Variants in ZNF25 observed in about 807,000 individuals in gnomAD.
The protein encoded by ZNF25 is zinc finger protein 25 (KOX 19).
ZNF25 carries 21 observed loss-of-function variants against 30.9 expected under a neutral mutation model. That is an observed-to-expected ratio of 0.68 (90% confidence interval 0.48 to 0.98). The LOEUF (loss-of-function observed/expected upper bound fraction) is 0.98, where lower values mean the gene tolerates loss of function less well. ZNF25 is among the 50% of genes least tolerant of loss of function. The pLI, the probability that ZNF25 is intolerant of heterozygous loss-of-function variation, is 0.00. For missense variants in ZNF25, 501 were observed against 529.9 expected (o/e 0.95, Z 0.54); for synonymous variants, 169 against 181.3 (o/e 0.93, Z 0.55).
At chr10:37,972,721 C>T (rs2063558775) in intron 1 of ZNF25, among the ~76,000 whole-genome samples, 1 of 152,148 alleles carries the variant, frequency 6.6e-6, no homozygotes, top group African/African-American at 2.4e-5. Context: ...AGAAACCATG[C>T]AGGGCATCCA....
rs147917552 is a variant in ZNF25, at chr10:37,964,694, T to C, written c.15+7014A>G. ...CAAAGAAATGACTTAAAGTTGGAAC[T>C]GATATTTAAAAGGGAATCAAAGCAT... On this transcript the variant is annotated intron_variant, in intron 2 of 5. Transcript: ENST00000302609. 1.1e-4 allele frequency among the ~76,000 whole-genome samples: 17 copies of C among 152,310 alleles called. No individual in the cohort carries two copies. In the East Asian group the frequency reaches 2.9e-3, roughly 26 times the overall value.
Position 37,953,057 on chromosome 10 carries a change from G to A in ZNF25, c.441C>T (p.Asp147=), listed in dbSNP as rs144895140. The A allele has an allele frequency of 1.7e-4, 272 of 1,613,710 alleles. 2 individuals are homozygous for A. The highest frequency in any genetic ancestry group is 2.1e-4 in the Non-Finnish European group (244 of 1,179,952). Residue 147 remains aspartate (D), a synonymous_variant, in exon 6 of 6, where the codon GAC becomes GAT. Transcript: ENST00000302609. ...QHTHSKGKSY[D]CDKCGKSFSK... ...AGAAAGATTTCCCACATTTATCACA[G>A]TCATAGGATTTGCCCTTTGAGTGAG...
chr10:37,959,826 TC>T lies in ZNF25; in HGVS notation c.16-2281del, dbSNP rs572740503. Among the ~76,000 whole-genome samples, 7 of 151,774 alleles carry T rather than the reference TC, an allele frequency of 4.6e-5. No individual in the cohort carries two copies. The South Asian group carries it at 8.3e-4, about 18-fold the overall frequency. ...GGTTTCAGCATGTTGGCCAGGCTGG[TC>T]TCGAACTCCTGACCTCAGGTAATCT... On this transcript the variant is annotated intron_variant, in intron 2 of 5. Transcript: ENST00000302609.
intron 1 of ZNF25, among the ~76,000 whole-genome samples, chr10:37,973,534 G>A (rs1361914472): frequency 2.7e-5 from 4 of 149,210 alleles, no homozygotes; most frequent in East Asian, 4.0e-4. Flanking sequence ...CAGGAGAATC[G>A]CTTGACCCTG....
At chr10:37,959,405 G>A (rs1377532612) in intron 2 of ZNF25, among the ~76,000 whole-genome samples, 1 of 152,146 alleles carries the variant, frequency 6.6e-6, no homozygotes, top group African/African-American at 2.4e-5. Flanking sequence ...GAAAGGGGGA[G>A]GGCAGCTCCC....
At chr10:37,953,323 G>T in intron 5 of ZNF25, 128 bp from the exon 6 acceptor site, 1 of 828,530 alleles carries the variant, frequency 1.2e-6, no homozygotes, top group Non-Finnish European at 1.8e-6. Flanking sequence ...ATATTTACTG[G>T]ATCCATAGGG....
At position 37,953,133 on chromosome 10, in the gene ZNF25, T is replaced by G. The variant is rs746537037; in HGVS notation, c.365A>C (p.Glu122Ala). 3 of 1,610,710 alleles carry G rather than the reference T, an allele frequency of 1.9e-6. No individual in the cohort carries two copies. The East Asian group carries it at 6.7e-5, about 36-fold the overall frequency. The stretch of plus-strand genomic sequence containing the variant: ...CTTCTGGCAGAAGAACTTCCCACAT[T>G]CCTTACATTCACAGGCTTTCTCTGT... ...HTTEKACECK[E>A]CGKFFCQKSA... The change falls in exon 6 of 6, where the codon GAA becomes GCA. Residue 122 changes from glutamate to alanine, a missense_variant. Glu to Ala is a moderately radical substitution (Grantham distance 107). Transcript: ENST00000302609.
At chr10:37,965,944 A>T (rs555851177) in intron 2 of ZNF25, among the ~76,000 whole-genome samples, 9 of 152,232 alleles carry the variant, frequency 5.9e-5, no homozygotes, top group Non-Finnish European at 1.0e-4. Flanking sequence ...CTAAGTTGGT[A>T]TCAATTCAAA....
In ZNF25 at chr10:37,969,185, A is replaced by C. The variant is rs550380476; in HGVS notation, c.15+2523T>G. Among the ~76,000 whole-genome samples, 6 of 152,326 alleles carry C rather than the reference A, an allele frequency of 3.9e-5. No individual in the cohort carries two copies. In the South Asian group the frequency reaches 1.2e-3, roughly 32 times the overall value. ...CCTTGTACATTGCTAATGGGAATGTAAAACGGTGCAGCTGCTGTGGAAGTT... is the reference window on the plus strand; with the variant it reads ...CCTTGTACATTGCTAATGGGAATGTCAAACGGTGCAGCTGCTGTGGAAGTT... On this transcript the variant is annotated intron_variant, in intron 2 of 5. Coordinates refer to ENST00000302609, the MANE Select transcript of ZNF25 (RefSeq NM_145011.4).
chr10:37,964,326 T>G (rs1049167134), intron 2 of ZNF25, among the ~76,000 whole-genome samples: 2 of 151,364 alleles, frequency 1.3e-5, no homozygotes, highest in African/African-American at 4.9e-5. Context: ...CAAGCAGAGG[T>G]TGGAAGAATT....
At chr10:37,956,928 A>AG (rs952693284) in intron 4 of ZNF25, 92 bp downstream of exon 4, 8 of 927,366 alleles carry the variant, frequency 8.6e-6, no homozygotes, top group African/African-American at 1.7e-5. Flanking sequence ...AAAAAAAAAA[A>AG]AAAAAAGTGA....
chr10:37,957,532 T>C lies in ZNF25; in HGVS notation c.30A>G (p.Leu10=). 6.2e-7 allele frequency: 1 copy of C among 1,613,628 alleles called. No homozygotes were observed. Among genetic ancestry groups the C allele is most frequent in the South Asian group, 1.1e-5 (1 of 90,962 alleles). The change falls in exon 3 of 6, where the codon TTA becomes TTG. Residue 10 remains leucine, a synonymous_variant. Transcript: ENST00000302609. The part of the protein sequence containing the change: MNKFQGPVT[L]KDVIVEFTKE... ...TGGTGAATTCCACAATAACATCCTT[T>C]AATGTCACGGGTCCCTGGAATAACA...
chr10:37,975,723 A>G (rs1194130112), intron 1 of ZNF25, among the ~76,000 whole-genome samples: 1 of 152,086 alleles, frequency 6.6e-6, no homozygotes, highest in Non-Finnish European at 1.5e-5. Context: ...TCACCTTTTG[A>G]CTCAAGTGCT....
At chr10:37,966,568 T>C (rs1448380607) in intron 2 of ZNF25, among the ~76,000 whole-genome samples, 1 of 152,070 alleles carries the variant, frequency 6.6e-6, no homozygotes, top group Non-Finnish European at 1.5e-5. Context: ...AGTTGGCACA[T>C]CTTCACATGG....
chr10:37,951,023 G>A lies in ZNF25; in HGVS notation c.*1104C>T, dbSNP rs12572117. 1.3e-5 allele frequency: 2 copies of A among 152,090 alleles called. No individual in the cohort carries two copies. Among genetic ancestry groups the A allele is most frequent in the Non-Finnish European group, 2.9e-5 (2 of 68,012 alleles). 9.4% of individuals were successfully genotyped at this position (152,090 alleles called of 1,614,324 possible). ...TTTTTAGCTGTTTAAAAACAGCTCAGGCTTTTGCTATATATAAATGTGTCC... is the reference window on the plus strand; with the variant it reads ...TTTTTAGCTGTTTAAAAACAGCTCAAGCTTTTGCTATATATAAATGTGTCC... On this transcript the variant is annotated 3_prime_UTR_variant, in exon 6 of 6. Transcript: ENST00000302609.
intron 4 of ZNF25, among the ~76,000 whole-genome samples, chr10:37,956,804 A>G (rs1323397295): frequency 6.6e-6 from 1 of 151,424 alleles, no homozygotes; most frequent in African/African-American, 2.4e-5. Flanking sequence ...AATCCCAGCT[A>G]CTCGGGAGGC....
At chr10:37,976,370 GCAGC>G (rs2063816488) in intron 1 of ZNF25, 132 bp downstream of exon 1, 1 of 152,324 alleles carries the variant, frequency 6.6e-6, no homozygotes. Flanking sequence ...GGGCGCCAGC[GCAGC>G]CAGCCAACCT....
intron 1 of ZNF25, among the ~76,000 whole-genome samples, chr10:37,975,216 GTTAGCAATAATTTA>G: frequency 6.6e-6 from 1 of 152,232 alleles, no homozygotes; most frequent in South Asian, 2.1e-4. Flanking sequence ...GGTTACAAGT[GTTAGCAATAATTTA>G]TTAGCTATCA....
intron 1 of ZNF25, among the ~76,000 whole-genome samples, chr10:37,973,911 G>A (rs926016723): frequency 6.6e-6 from 1 of 152,082 alleles, no homozygotes; most frequent in African/African-American, 2.4e-5. Flanking sequence ...CAAAACAGTA[G>A]GTTACTGGCA....
Sources: allele counts gnomAD v4.1 joint callset (sites outside exome capture counted in the v4.1 genomes callset), GRCh38; gene constraint gnomAD v4.1.1; transcripts MANE v1.5; gene names NCBI Gene and HGNC (gene_info 2026-07-23, HGNC 2026-07-21).